Variants in PRDM16 observed in about 807,000 individuals in gnomAD.
PRDM16 encodes histone-lysine N-methyltransferase PRDM16.
Under a neutral mutation model 110.6 loss-of-function variants are expected in PRDM16, and 23 were observed. That is an observed-to-expected ratio of 0.21 (90% CI 0.15 to 0.29). PRDM16 has a LOEUF of 0.29. Ranked by LOEUF, PRDM16 falls within the 10% of genes least tolerant of loss-of-function variation. The pLI, the probability that PRDM16 is intolerant of heterozygous loss-of-function variation, is 1.00. For synonymous variants in PRDM16, 799 were observed against 781.8 expected, an observed-to-expected ratio of 1.02 and a Z score of -0.37; for missense variants, 1,615 against 1,794.3, an observed-to-expected ratio of 0.90 and a Z score of 1.81.
intron 2 of PRDM16, among the ~76,000 whole-genome samples, chr1:3,211,790 C>T (rs780606586): frequency 6.6e-5 from 10 of 152,236 alleles, no homozygotes; most frequent in South Asian, 2.1e-4. Context: ...CCTTGCAGCA[C>T]GAGCGTGTCC....
intron 8 of PRDM16, among the ~76,000 whole-genome samples, chr1:3,406,012 C>T (rs979201987): frequency 6.6e-6 from 1 of 152,232 alleles, no homozygotes; most frequent in Non-Finnish European, 1.5e-5. Context: ...CCACCTGTGC[C>T]GAGCTCCAGA....
chr1:3,340,304 AGGT>A (rs896292303), intron 3 of PRDM16, among the ~76,000 whole-genome samples: 24 of 152,120 alleles, frequency 1.6e-4, no homozygotes, highest in African/African-American at 5.8e-4. Flanking sequence ...AGGGAGGTAC[AGGT>A]GGTGGCCTCT....
chr1:3,123,392 AG>A (rs766119169), intron 1 of PRDM16, among the ~76,000 whole-genome samples: 3 of 152,224 alleles, frequency 2.0e-5, no homozygotes, highest in African/African-American at 4.8e-5. Flanking sequence ...ACCCGTGCAG[AG>A]GGGGGTGTGG....
intron 1 of PRDM16, among the ~76,000 whole-genome samples, chr1:3,115,644 G>C (rs1200989772): frequency 6.6e-6 from 1 of 152,016 alleles, no homozygotes; most frequent in South Asian, 2.1e-4. Context: ...GAGGGTCTTG[G>C]CATCCCCTGA....
Position 3,148,485 on chromosome 1 carries a change from C to T in PRDM16, c.38-37640C>T, listed in dbSNP as rs1643719404. 6.6e-6 allele frequency among the ~76,000 whole-genome samples: 1 copy of T among 152,180 alleles called. No individual in the cohort carries two copies. Among genetic ancestry groups the T allele is most frequent in the African/African-American group, 2.4e-5 (1 of 41,440 alleles). On this transcript the variant is annotated intron_variant, in intron 1 of 16. Transcript: ENST00000270722. This position sits in a 1 kb window ranked among gnomAD's most constrained non-coding sequence, Gnocchi z 5.0. The stretch of plus-strand genomic sequence containing the variant: ...GCCACTCACCCGCAGCAGGTGGAAC[C>T]CCTGCCTCACCTTCCCTGCTTCTGA...
chr1:3,264,124 G>A (rs766201751), intron 3 of PRDM16, among the ~76,000 whole-genome samples: 6 of 152,242 alleles, frequency 3.9e-5, no homozygotes, highest in Non-Finnish European at 7.3e-5. Context: ...TCCCCTGGAA[G>A]AAGCGAATAA....
intron 3 of PRDM16, among the ~76,000 whole-genome samples, chr1:3,335,493 G>T (rs1473548959): frequency 6.6e-6 from 1 of 152,058 alleles, no homozygotes; most frequent in Non-Finnish European, 1.5e-5. Context: ...ATTCTAAAGG[G>T]AGCAGAGTTT....
rs1423410324 is a variant in PRDM16 at position 3,404,826 on chromosome 1, C to A, written c.972C>A (p.Leu324=). The A allele has an allele frequency of 6.2e-7, 1 of 1,613,612 alleles. No individual in the cohort carries two copies. Residue 324 remains leucine, a synonymous_variant, in exon 7 of 17, where the codon CTC becomes CTA. Transcript: ENST00000270722. The part of the protein sequence containing the change: ...CPKAFNWKSN[L]IRHQMSHDSG... ...AGGCCTTCAACTGGAAGTCCAACCT[C>A]ATCCGCCACCAGATGTCCCACGACA...
chr1:3,400,048 G>T (rs900007892), intron 5 of PRDM16, among the ~76,000 whole-genome samples: 1 of 152,194 alleles, frequency 6.6e-6, no homozygotes. Flanking sequence ...CTGAGAGGGG[G>T]TGATGGTGAG....
intron 1 of PRDM16, among the ~76,000 whole-genome samples, chr1:3,123,429 G>A (rs1035891828): frequency 3.9e-5 from 6 of 152,216 alleles, no homozygotes; most frequent in Admixed American, 6.5e-5. Flanking sequence ...GCCCAGGCAC[G>A]GGTGAAGGGT....
At chr1:3,217,734 C>T (rs763309420) in intron 2 of PRDM16, among the ~76,000 whole-genome samples, 1 of 152,134 alleles carries the variant, frequency 6.6e-6, no homozygotes, top group Non-Finnish European at 1.5e-5. Context: ...TTTTTCAACA[C>T]GGGAGAGCTC....
At chr1:3,364,356 C>A (rs1049488029) in intron 3 of PRDM16, among the ~76,000 whole-genome samples, 5 of 152,218 alleles carry the variant, frequency 3.3e-5, no homozygotes, top group African/African-American at 1.2e-4. Context: ...TCCTGCCTGG[C>A]AGCCTCACCT....
chr1:3,322,576 G>A (rs1007100341), intron 3 of PRDM16, among the ~76,000 whole-genome samples: 3 of 151,940 alleles, frequency 2.0e-5, no homozygotes, highest in African/African-American at 4.8e-5. Flanking sequence ...CAGGAGCTTC[G>A]TCCCTGCACG....
rs1294826487 is a variant in PRDM16, at chr1:3,353,236, G to A, written c.439-31916G>A. On this transcript the variant is annotated intron_variant, in intron 3 of 16. Coordinates refer to ENST00000270722, the MANE Select transcript of PRDM16 (RefSeq NM_022114.4). This position sits in a 1 kb window ranked among gnomAD's most constrained non-coding sequence, Gnocchi z 5.4. ...GGGTGTGAAATGCATGTTGCCTGAGGTGCGGTAAAAGTTTACGAGGGCTGG... is the reference window on the plus strand; with the variant it reads ...GGGTGTGAAATGCATGTTGCCTGAGATGCGGTAAAAGTTTACGAGGGCTGG... Among the ~76,000 whole-genome samples the A allele has an allele frequency of 6.6e-6, 1 of 152,240 alleles. No individual in the cohort carries two copies. Among genetic ancestry groups the A allele is most frequent in the Admixed American group, 6.5e-5 (1 of 15,292 alleles).
At chr1:3,321,108 G>C (rs1036899721) in intron 3 of PRDM16, among the ~76,000 whole-genome samples, 4 of 152,208 alleles carry the variant, frequency 2.6e-5, no homozygotes, top group African/African-American at 9.6e-5. Context: ...AAGACCAGGG[G>C]ACTTTCACAA....
chr1:3,170,695 C>T (rs919105368), intron 1 of PRDM16, among the ~76,000 whole-genome samples: 17 of 152,168 alleles, frequency 1.1e-4, no homozygotes, highest in East Asian at 5.8e-4. Flanking sequence ...AGGCGGGGCC[C>T]GGGGGAGCAG....
intron 3 of PRDM16, among the ~76,000 whole-genome samples, chr1:3,291,861 G>A (rs967315998): frequency 7.9e-5 from 12 of 152,210 alleles, no homozygotes; most frequent in Non-Finnish European, 1.0e-4. Context: ...TTCTCTCCTC[G>A]AAGGGAACAG....
intron 1 of PRDM16, among the ~76,000 whole-genome samples, chr1:3,152,376 CCATCCATT>C (rs1643792724): frequency 7.3e-6 from 1 of 137,714 alleles, no homozygotes; most frequent in Non-Finnish European, 1.6e-5. Flanking sequence ...ATCCATCCAT[CCATCCATT>C]TATCCATCCA....
chr1:3,216,929 C>T (rs1326402300), intron 2 of PRDM16, among the ~76,000 whole-genome samples: 2 of 152,384 alleles, frequency 1.3e-5, no homozygotes, highest in East Asian at 3.9e-4. Context: ...TGGGCCACCA[C>T]TGTCTCTGAC....
Sources: gnomAD v4.1 joint callset for allele counts (sites outside exome capture counted in the v4.1 genomes callset) on GRCh38, gnomAD v4.1.1 for gene constraint, Gnocchi (gnomAD v3.1) non-coding constraint, MANE v1.5 for transcripts, NCBI Gene and HGNC (gene_info 2026-07-23, HGNC 2026-07-21) for gene names.